ATXN2L: variants seen among roughly 807,000 people sequenced by gnomAD.
The protein encoded by ATXN2L is ataxin-2-like protein.
Under a neutral mutation model 120.7 loss-of-function variants are expected in ATXN2L, and 24 were observed. The observed-to-expected ratio is 0.20, with a 90% CI of 0.14 to 0.28. The LOEUF (loss-of-function observed/expected upper bound fraction) is 0.28, where lower values mean the gene tolerates loss of function less well. Among genes scored for constraint, ATXN2L ranks in the 10% least tolerant of loss-of-function variants. The pLI, the probability that ATXN2L is intolerant of heterozygous loss-of-function variation, is 1.00. For missense variants in ATXN2L, 1,312 were observed against 1,432.3 expected, an observed-to-expected ratio of 0.92 and a Z score of 1.36; for synonymous variants, 653 against 568.1, an observed-to-expected ratio of 1.15 and a Z score of -2.13.
chr16:28,823,132 CCCCCGCCCGCCCACGGCGGG>C lies in ATXN2L; in HGVS notation c.-122_-103del. The C allele has an allele frequency of 2.1e-6, 1 of 474,548 alleles. No homozygotes were observed. The highest frequency in any genetic ancestry group is 3.3e-6 in the Non-Finnish European group (1 of 303,870). 29.4% of individuals were successfully genotyped at this position (474,548 alleles called of 1,614,324 possible). ...CTCCACCCCCGACACCGCGGGGCTCCCCCCGCCCGCCCACGGCGGGCCCCGGCTGCCCGATCCCCCTCGCT... is the reference window on the plus strand; with the variant it reads ...CTCCACCCCCGACACCGCGGGGCTCCCCCCGGCTGCCCGATCCCCCTCGCT... On this transcript the variant is annotated 5_prime_UTR_variant, in exon 1 of 22. Transcript: ENST00000336783.
chr16:28,835,729 G>A lies in ATXN2L; in HGVS notation c.2866G>A (p.Gly956Ser), dbSNP rs772084546. ...YAIHHQQLPH[G>S]FTNMAHVTQA... ...CATCCACCACCAGCAGCTGCCCCAC[G>A]GCTTCACCAACATGGCCCATGTTAC... Residue 956 changes from glycine to serine, a missense_variant, in exon 21 of 22, where the codon GGC becomes AGC. By Grantham distance (56) the Gly-to-Ser change is moderately conservative. Coordinates refer to ENST00000336783, the MANE Select transcript of ATXN2L (RefSeq NM_007245.4). 4.2e-5 allele frequency: 68 copies of A among 1,613,942 alleles called. No individual in the cohort carries two copies. Among genetic ancestry groups the A allele is most frequent in the South Asian group, 2.7e-4 (25 of 91,078 alleles).
At chr16:28,829,353 T>A (rs756818514) in intron 6 of ATXN2L, 48 bp from the exon 7 acceptor site, 1 of 1,297,746 alleles carries the variant, frequency 7.7e-7, no homozygotes, top group Admixed American at 1.7e-5. Context: ...AAGTGACTTG[T>A]CGTTGCTTTT....
In ATXN2L at chr16:28,832,740, C is replaced by T. The variant is rs147225422; in HGVS notation, c.1589-77C>T. 377 of 1,494,744 alleles carry T rather than the reference C, an allele frequency of 2.5e-4. 3 individuals are homozygous for T. In the African/African-American group the frequency reaches 4.8e-3, roughly 19 times the overall value. The allele number at this position is 1,494,744 out of a possible 1,614,324, so 92.6% of individuals were successfully genotyped here. On this transcript the variant is annotated intron_variant, in intron 12 of 21. Coordinates refer to ENST00000336783, the MANE Select transcript of ATXN2L (RefSeq NM_007245.4). ...TCTTTTTTCTTTGCTTTCTTGTCCT[C>T]TGTTCTTTTGGCACTGTGTAGCCAC...
rs1340057039 is a variant in ATXN2L at position 28,835,357 on chromosome 16, A to G, written c.2643A>G (p.Gly881=). 4 of 1,613,284 alleles carry G rather than the reference A, an allele frequency of 2.5e-6. No homozygotes were observed. Among genetic ancestry groups the G allele is most frequent in the Non-Finnish European group, 2.5e-6 (3 of 1,179,962 alleles). Reference sequence around the variant, plus strand: ...CGCAGCCGGCTACCACGCCTACTGGAAGCCAGCCGCAGTCCCAGCATGCGG... The same window carrying G: ...CGCAGCCGGCTACCACGCCTACTGGGAGCCAGCCGCAGTCCCAGCATGCGG... ...HQPQPATTPT[G]SQPQSQHAAP... The change falls in exon 20 of 22, where the codon GGA becomes GGG. Residue 881 remains glycine, a synonymous_variant. Transcript: ENST00000336783.
rs762050851 is a variant in ATXN2L, at chr16:28,825,415, T to G, written c.336+13T>G. ...CCCACAGTCACCTGTGAGTGTCTTC[T>G]CCCACCCTGTTTAAGATACATAGAC... On this transcript the variant is annotated intron_variant, in intron 2 of 21. Coordinates refer to ENST00000336783, the MANE Select transcript of ATXN2L (RefSeq NM_007245.4). 1 of 1,613,254 alleles carries G rather than the reference T, an allele frequency of 6.2e-7. No homozygotes were observed. The highest frequency in any genetic ancestry group is 1.1e-5 in the South Asian group (1 of 91,048).
Position 28,825,449 on chromosome 16 carries a change from T to G in ATXN2L, c.336+47T>G, listed in dbSNP as rs1324225219. ...GTTTAAGATACATAGACCTAAAAGATGCATAATGTGGGAATATAGGGCACA... is the reference window on the plus strand; with the variant it reads ...GTTTAAGATACATAGACCTAAAAGAGGCATAATGTGGGAATATAGGGCACA... On this transcript the variant is annotated intron_variant, in intron 2 of 21. Transcript: ENST00000336783. 4.4e-6 allele frequency: 7 copies of G among 1,601,422 alleles called. No individual in the cohort carries two copies. In the Admixed American group the frequency reaches 1.2e-4, roughly 27 times the overall value.
rs771216675 is a variant in ATXN2L, at chr16:28,825,751, A to C, written c.394-19A>C. On this transcript the variant is annotated intron_variant, in intron 3 of 21. Transcript: ENST00000336783. ...TCTACTTTCTGGAGACACTCTTCTT[A>C]TTTTTCCCACTCTGCCAGGGCTCCA... is the stretch of plus-strand genomic sequence containing the variant. 3.7e-6 allele frequency: 6 copies of C among 1,613,728 alleles called. No homozygotes were observed. The highest frequency in any genetic ancestry group is 4.5e-5 in the East Asian group (2 of 44,886).
Position 28,833,429 on chromosome 16 carries a change from T to C in ATXN2L, c.1956-10T>C. On this transcript the variant is annotated splice_polypyrimidine_tract_variant and intron_variant, in intron 14 of 21. Coordinates refer to ENST00000336783, the MANE Select transcript of ATXN2L (RefSeq NM_007245.4). The stretch of plus-strand genomic sequence containing the variant: ...CAAGCCGTGAAGATTTACTGTACTT[T>C]CTCTCACAGACAAGTAAAGAAATCA... 4.3e-6 allele frequency: 7 copies of C among 1,614,080 alleles called. No individual in the cohort carries two copies. Among genetic ancestry groups the C allele is most frequent in the Admixed American group, 1.7e-5 (1 of 60,018 alleles).
chr16:28,825,572 T>C (rs1667669272), intron 2 of ATXN2L, 52 bp from the exon 3 acceptor site: 5 of 1,586,548 alleles, frequency 3.2e-6, no homozygotes, highest in Non-Finnish European at 4.3e-6. Flanking sequence ...GAAAAGAAAA[T>C]GAGGTGTTGA....
At position 28,833,492 on chromosome 16, in the gene ATXN2L, A is replaced by C; in HGVS notation, c.2009A>C (p.Lys670Thr). 6.2e-7 allele frequency: 1 copy of C among 1,614,204 alleles called. No homozygotes were observed. Among genetic ancestry groups the C allele is most frequent in the Non-Finnish European group, 8.5e-7 (1 of 1,180,034 alleles). Reference sequence around the variant, plus strand: ...AATGCTAAGGAGTTCAATCCTACAAAGCCTCTGCTGTCTGTGGTGAGCTGG... The same window carrying C: ...AATGCTAAGGAGTTCAATCCTACAACGCCTCTGCTGTCTGTGGTGAGCTGG... ...NPNAKEFNPT[K>T]PLLSVNKSTS... Residue 670 changes from lysine to threonine, a missense_variant, in exon 15 of 22, where the codon AAG becomes ACG. By Grantham distance (78) the Lys-to-Thr change is moderately conservative (BLOSUM62 -1). Coordinates refer to ENST00000336783, the MANE Select transcript of ATXN2L (RefSeq NM_007245.4).
At chr16:28,823,838 C>T (rs2050534993) in intron 1 of ATXN2L, 1 of 355,080 alleles carries the variant, frequency 2.8e-6, no homozygotes, top group Non-Finnish European at 4.9e-6. Context: ...CCGGCGCCGT[C>T]GGAACGGGGA....
chr16:28,834,019 T>G, intron 15 of ATXN2L, 46 bp from the exon 16 acceptor site: 1 of 1,596,210 alleles, frequency 6.3e-7, no homozygotes, highest in Non-Finnish European at 8.5e-7. Flanking sequence ...TGGCCAGGAG[T>G]AGAGGGGAAA....
At chr16:28,826,203 A>C (rs767916291) in intron 4 of ATXN2L, 37 bp from the exon 5 acceptor site, 27 of 1,607,248 alleles carry the variant, frequency 1.7e-5, no homozygotes, top group Non-Finnish European at 2.2e-5. Flanking sequence ...CTTTTCTTGA[A>C]ACTGACCCAT....
At position 28,837,015 on chromosome 16, in the gene ATXN2L, C is replaced by G. The variant is rs1250592016; in HGVS notation, c.*750C>G. 17 of 669,880 alleles carry G rather than the reference C, an allele frequency of 2.5e-5. No individual in the cohort carries two copies. The Admixed American group carries it at 3.0e-4, about 12-fold the overall frequency. The allele number at this position is 669,880 out of a possible 1,614,324, so 41.5% of individuals were successfully genotyped here. A position where few individuals can be genotyped will look rare whatever the true frequency, so the allele number is the denominator to read the frequency against. On this transcript the variant is annotated 3_prime_UTR_variant, in exon 22 of 22. Transcript: ENST00000336783. ...CCGTCCCCACCCAGTCTTGCCCTCC[C>G]ATCCTCTCATCTATTCCCCCGCTGG...
chr16:28,831,066 C>A lies in ATXN2L; in HGVS notation c.1315C>A (p.Pro439Thr). ...PSGETSVPPP[P>T]AVGRMYPPRS... is the part of the protein sequence containing the mutation. ...TGGAGAAACTTCTGTTCCACCTCCT[C>A]CTGCAGGTAAAGCTTTAGTAGTGTT... Residue 439 changes from proline (P) to threonine (T), a missense_variant, in exon 10 of 22, where the codon CCT becomes ACT. Pro to Thr is a conservative substitution (Grantham distance 38). Coordinates refer to ENST00000336783, the MANE Select transcript of ATXN2L (RefSeq NM_007245.4). The A allele has an allele frequency of 6.3e-7, 1 of 1,599,896 alleles. No homozygotes were observed.
intron 1 of ATXN2L, among the ~76,000 whole-genome samples, chr16:28,824,906 A>T (rs963029673): frequency 2.0e-5 from 3 of 152,040 alleles, no homozygotes; most frequent in Non-Finnish European, 4.4e-5. Context: ...ACAAGGTGAC[A>T]GTTTGAAAAT....
chr16:28,825,216 C>CA (rs1052282777), intron 1 of ATXN2L, 150 bp from the exon 2 acceptor site: 76 of 782,872 alleles, frequency 9.7e-5, no homozygotes, highest in South Asian at 3.5e-4. Flanking sequence ...GACCCTGTCT[C>CA]AAAAAAAATA....
Position 28,837,192 on chromosome 16 carries a change from A to G in ATXN2L, c.*927A>G, listed in dbSNP as rs1004565954. On this transcript the variant is annotated 3_prime_UTR_variant, in exon 22 of 22. Transcript: ENST00000336783. ...GGACTTTTACTTTTTATTACATAAAAATATTAAAAAATAAATAAAAAAAAT... is the reference window on the plus strand; with the variant it reads ...GGACTTTTACTTTTTATTACATAAAGATATTAAAAAATAAATAAAAAAAAT... The G allele has an allele frequency of 1.7e-5, 3 of 172,584 alleles. No individual in the cohort carries two copies. The highest frequency in any genetic ancestry group is 7.2e-5 in the African/African-American group (3 of 41,704). 10.7% of individuals were successfully genotyped at this position (172,584 alleles called of 1,614,324 possible). A position where few individuals can be genotyped will look rare whatever the true frequency, so the allele number is the denominator to read the frequency against.
At chr16:28,827,055 TTGAG>T in intron 6 of ATXN2L, 69 bp downstream of exon 6, 1 of 1,332,044 alleles carries the variant, frequency 7.5e-7, no homozygotes, top group Non-Finnish European at 9.8e-7. Context: ...TGAGGTTCAT[TTGAG>T]TGGGGAGGGA....
Sources: gnomAD v4.1 joint callset for allele counts (sites outside exome capture counted in the v4.1 genomes callset) on GRCh38, gnomAD v4.1.1 for gene constraint, MANE v1.5 for transcripts, NCBI Gene and HGNC (gene_info 2026-07-23, HGNC 2026-07-21) for gene names.